GFI1B: variants seen among roughly 807,000 people sequenced by gnomAD.
The protein encoded by GFI1B is zinc finger protein Gfi-1b.
In GFI1B, 20 loss-of-function variants were observed where a neutral mutation model predicts 35.3. The observed-to-expected ratio is 0.57, with a 90% CI of 0.40 to 0.82. The LOEUF (loss-of-function observed/expected upper bound fraction) is 0.82. Among genes scored for constraint, GFI1B ranks in the 40% least tolerant of loss-of-function variants. GFI1B has a pLI of 0.00. For missense variants in GFI1B, 430 were observed against 446.3 expected, an observed-to-expected ratio of 0.96 and a Z score of 0.33; for synonymous variants, 178 against 177.6, an observed-to-expected ratio of 1.00 and a Z score of -0.02.
intron 1 of GFI1B, among the ~76,000 whole-genome samples, chr9:132,968,109 T>G (rs59515510): frequency 6.0e-5 from 9 of 149,084 alleles, no homozygotes; most frequent in African/African-American, 1.8e-4. Context: ...TTTATTTATT[T>G]ATTTATTTAT....
intron 1 of GFI1B, among the ~76,000 whole-genome samples, chr9:132,948,638 C>A (rs1588401728): frequency 6.6e-6 from 1 of 152,238 alleles, no homozygotes; most frequent in South Asian, 2.1e-4. Context: ...GGTGGGCAAC[C>A]CCCGCAGGAT....
rs1849185471 is a variant in GFI1B at position 132,989,036 on chromosome 9, C to A, written c.511-25C>A. The A allele has an allele frequency of 6.2e-7, 1 of 1,612,618 alleles. No homozygotes were observed. Among genetic ancestry groups the A allele is most frequent in the African/African-American group, 1.3e-5 (1 of 75,034 alleles). On this transcript the variant is annotated intron_variant, in intron 4 of 6. Transcript: ENST00000372122. The surrounding 1 kb of genome is among the most constrained non-coding windows in gnomAD (Gnocchi z 6.2). ...TCCCTGTCACCGCAGCCCCCAGTGG[C>A]CTCACATGCTGCCCCTGCTCCCAGG...
intron 1 of GFI1B, among the ~76,000 whole-genome samples, chr9:132,982,537 C>T (rs2132629449): frequency 6.6e-6 from 1 of 152,328 alleles, no homozygotes; most frequent in African/African-American, 2.4e-5. Flanking sequence ...CAGTGAGCCT[C>T]TTTCCGGAGG....
At chr9:132,954,984 TG>T (rs1848261528) in intron 1 of GFI1B, among the ~76,000 whole-genome samples, 1 of 152,182 alleles carries the variant, frequency 6.6e-6, no homozygotes, top group East Asian at 1.9e-4. Flanking sequence ...CCCAAACTGC[TG>T]GGATTATAGG....
rs1849284550 is a variant in GFI1B, at chr9:132,991,233, A to G, written c.*183A>G. On this transcript the variant is annotated 3_prime_UTR_variant, in exon 7 of 7. Coordinates refer to ENST00000372122, the MANE Select transcript of GFI1B (RefSeq NM_001377304.1). ...CAAGTCACTTACCCTGTCTGGATCA[A>G]CATTTCTCCTGCTGCCAAGTGTGGG... 8 of 624,444 alleles carry G rather than the reference A, an allele frequency of 1.3e-5. No homozygotes were observed. In the South Asian group the frequency reaches 1.5e-4, roughly 12 times the overall value. 38.7% of individuals were successfully genotyped at this position (624,444 alleles called of 1,614,324 possible). A position where few individuals can be genotyped will look rare whatever the true frequency, so the allele number is the denominator to read the frequency against.
chr9:132,964,112 C>T (rs541325176), intron 1 of GFI1B, among the ~76,000 whole-genome samples: 17 of 151,970 alleles, frequency 1.1e-4, no homozygotes, highest in East Asian at 3.9e-4. Flanking sequence ...TGGTGATGCA[C>T]GCCTGTAATC....
intron 1 of GFI1B, among the ~76,000 whole-genome samples, chr9:132,984,515 C>A (rs1848958701): frequency 6.6e-6 from 1 of 152,280 alleles, no homozygotes; most frequent in Admixed American, 6.5e-5. Flanking sequence ...TGAGCGCGGC[C>A]CTGGCTTCTG....
chr9:132,958,412 C>A (rs1258531177), intron 1 of GFI1B, among the ~76,000 whole-genome samples: 2 of 152,174 alleles, frequency 1.3e-5, no homozygotes, highest in African/African-American at 4.8e-5. Context: ...CTTCAGGAAG[C>A]TTCCAATCAT....
intron 1 of GFI1B, among the ~76,000 whole-genome samples, chr9:132,971,275 C>T (rs370774892): frequency 1.3e-5 from 2 of 152,212 alleles, no homozygotes; most frequent in African/African-American, 2.4e-5. Context: ...GTGGCCTGAA[C>T]GCTGTCCTGT....
Position 132,989,807 on chromosome 9 carries a change from C to T in GFI1B, c.714C>T (p.His238=), listed in dbSNP as rs986660744. The stretch of plus-strand genomic sequence containing the variant: ...AGCGCTCGTCCACGCTGTCCACCCA[C>T]CTGCTCATCCACTCAGACACGCGGC... ...AFKRSSTLST[H]LLIHSDTRPY... is the part of the protein sequence containing the mutation. The change falls in exon 6 of 7, where the codon CAC becomes CAT. Residue 238 remains histidine, a synonymous_variant. Transcript: ENST00000372122. The surrounding 1 kb of genome is among the most constrained non-coding windows in gnomAD (Gnocchi z 6.2). 1.2e-6 allele frequency: 2 copies of T among 1,614,070 alleles called. No homozygotes were observed. The highest frequency in any genetic ancestry group is 4.5e-5 in the East Asian group (2 of 44,884).
chr9:132,950,097 G>A (rs528989803), intron 1 of GFI1B, among the ~76,000 whole-genome samples: 1 of 152,238 alleles, frequency 6.6e-6, no homozygotes, highest in Admixed American at 6.5e-5. Flanking sequence ...GAGTGACAGA[G>A]TAAGACCCTG....
chr9:132,987,989 C>T (rs559517861), intron 3 of GFI1B, among the ~76,000 whole-genome samples: 11 of 152,122 alleles, frequency 7.2e-5, no homozygotes, highest in Non-Finnish European at 1.3e-4. Context: ...GGATTATAGG[C>T]GTGAGCCACC....
At chr9:132,974,367 G>A (rs966032392), upstream of GFI1B, among the ~76,000 whole-genome samples, 1 of 152,048 alleles carries the variant, frequency 6.6e-6, no homozygotes, top group Non-Finnish European at 1.5e-5. Flanking sequence ...GGAGGCCGAG[G>A]CAGGCAAGGA....
chr9:132,990,310 C>T (rs1000588302), intron 6 of GFI1B, among the ~76,000 whole-genome samples: 7 of 149,594 alleles, frequency 4.7e-5, no homozygotes, highest in African/African-American at 1.2e-4. Flanking sequence ...CATTCATTTG[C>T]TCATTCATTT....
At position 132,964,743 on chromosome 9, in the gene GFI1B, C is replaced by CTT. The variant is rs71376675; in HGVS notation, c.-700-7955_-700-7954dup. Among the ~76,000 whole-genome samples the CTT allele has an allele frequency of 1.9e-3, 207 of 107,932 alleles. 8 individuals carry two copies. Among genetic ancestry groups the CTT allele is most frequent in the Non-Finnish European group, 3.0e-3 (163 of 54,026 alleles). The allele number at this position is 107,932 out of a possible 152,430, so 70.8% of individuals were successfully genotyped here. On this transcript the variant is annotated intron_variant, in intron 1 of 10. Transcript: ENST00000339463. Reference sequence around the variant, plus strand: ...GATTATCTCAAAACAATTTTTCTTCCTTTTTTTTTTTTTTTTTTTTTTTTT... The same window carrying CTT: ...GATTATCTCAAAACAATTTTTCTTCCTTTTTTTTTTTTTTTTTTTTTTTTTTT...
upstream of GFI1B, among the ~76,000 whole-genome samples, chr9:132,977,765 C>A (rs1848674302): frequency 6.6e-6 from 1 of 152,150 alleles, no homozygotes; most frequent in African/African-American, 2.4e-5. Flanking sequence ...CCCTCACTCC[C>A]CCCAGCATCA....
upstream of GFI1B, among the ~76,000 whole-genome samples, chr9:132,977,895 G>A (rs1043052116): frequency 1.1e-4 from 16 of 152,204 alleles, no homozygotes; most frequent in African/African-American, 2.9e-4. Context: ...CAGGCCGAGC[G>A]TCTCCTGGCC....
intron 1 of GFI1B, among the ~76,000 whole-genome samples, chr9:132,961,096 C>CT (rs1350670943): frequency 1.3e-5 from 2 of 152,090 alleles, no homozygotes; most frequent in African/African-American, 2.4e-5. Context: ...CCAGAATAAA[C>CT]TTTAAGTGTC....
At chr9:132,948,520 C>T (rs531444085) in intron 1 of GFI1B, among the ~76,000 whole-genome samples, 2 of 152,230 alleles carry the variant, frequency 1.3e-5, no homozygotes, top group Non-Finnish European at 2.9e-5. Flanking sequence ...ACACCACCAG[C>T]CAAAAATATT....
Sources: gnomAD v4.1 joint callset for allele counts (sites outside exome capture counted in the v4.1 genomes callset) on GRCh38, gnomAD v4.1.1 for gene constraint, Gnocchi (gnomAD v3.1) non-coding constraint, MANE v1.5 for transcripts, NCBI Gene and HGNC (gene_info 2026-07-23, HGNC 2026-07-21) for gene names.